PTPRO: variants seen among roughly 807,000 people sequenced by gnomAD.
PTPRO encodes protein tyrosine phosphatase receptor type O.
PTPRO carries 62 observed loss-of-function variants against 145.2 expected under a neutral mutation model. The observed-to-expected ratio is 0.43, with a 90% CI of 0.35 to 0.53. The LOEUF is 0.53. PTPRO is among the 20% of genes least tolerant of loss of function. The probability of loss-of-function intolerance (pLI) is 0.01; values close to 1 mark genes in which losing one functional copy is unlikely to be tolerated. For missense variants in PTPRO, 1,345 were observed against 1,482.7 expected, an observed-to-expected ratio of 0.91 and a Z score of 1.53; for synonymous variants, 565 against 514.7, an observed-to-expected ratio of 1.10 and a Z score of -1.32.
intron 1 of PTPRO, among the ~76,000 whole-genome samples, chr12:15,381,926 C>G (rs1354536306): frequency 1.3e-5 from 2 of 151,928 alleles, no homozygotes; most frequent in Non-Finnish European, 2.9e-5. Context: ...TCCCCCATCT[C>G]TAAAATAGAG....
chr12:15,346,741 T>C (rs1325487525), intron 1 of PTPRO: 2 of 152,180 alleles, frequency 1.3e-5, no homozygotes, highest in Non-Finnish European at 2.9e-5. Context: ...GCTAACTCAG[T>C]TAGTTAAAGG....
intron 1 of PTPRO, among the ~76,000 whole-genome samples, chr12:15,333,885 T>C (rs1013675909): frequency 2.6e-5 from 4 of 152,214 alleles, no homozygotes. Flanking sequence ...TTCCCTTGTG[T>C]AATGAAGCAA....
chr12:15,419,351 T>C (rs1940069998), intron 1 of PTPRO, among the ~76,000 whole-genome samples: 1 of 151,418 alleles, frequency 6.6e-6, no homozygotes, highest in East Asian at 1.9e-4. Context: ...AAGCTGCCCA[T>C]TAGAAATAAC....
intron 1 of PTPRO, among the ~76,000 whole-genome samples, chr12:15,434,980 G>A (rs1940555144): frequency 6.6e-6 from 1 of 152,182 alleles, no homozygotes; most frequent in Non-Finnish European, 1.5e-5. Context: ...CATCTCTGCT[G>A]CAGGGCGTAG....
intron 1 of PTPRO, among the ~76,000 whole-genome samples, chr12:15,422,274 T>C (rs1021042753): frequency 6.6e-6 from 1 of 152,200 alleles, no homozygotes; most frequent in African/African-American, 2.4e-5. Context: ...TTCTTGTTTT[T>C]TGTTTGTTTG....
intron 1 of PTPRO, among the ~76,000 whole-genome samples, chr12:15,414,798 A>G (rs1939900471): frequency 6.6e-6 from 1 of 152,260 alleles, no homozygotes; most frequent in Non-Finnish European, 1.5e-5. Flanking sequence ...AGCACAATGA[A>G]GGAAGAAATG....
At position 15,326,898 on chromosome 12, in the gene PTPRO, T is replaced by C. The variant is rs77897575; in HGVS notation, c.75+4097T>C. Among the ~76,000 whole-genome samples, 541 of 152,374 alleles carry C rather than the reference T, an allele frequency of 3.6e-3. 7 individuals are homozygous for C. The highest frequency in any genetic ancestry group is 0.012 in the African/African-American group (510 of 41,600). ...TACTGTAAAGCACTTAATGTTTTCATTTAATTACTCCAAATATGTTGTAAA... is the reference window on the plus strand; with the variant it reads ...TACTGTAAAGCACTTAATGTTTTCACTTAATTACTCCAAATATGTTGTAAA... On this transcript the variant is annotated intron_variant, in intron 1 of 26. Coordinates refer to ENST00000281171, the MANE Select transcript of PTPRO (RefSeq NM_030667.3).
At chr12:15,378,070 T>G (rs750447487) in intron 1 of PTPRO, among the ~76,000 whole-genome samples, 1 of 151,938 alleles carries the variant, frequency 6.6e-6, no homozygotes, top group Non-Finnish European at 1.5e-5. Flanking sequence ...AGCCTAATCT[T>G]CCACCTTAAG....
At chr12:15,509,686 C>CA (rs370128611) in intron 7 of PTPRO, among the ~76,000 whole-genome samples, 75,397 of 130,066 alleles carry the variant, frequency 0.58, 22,522 homozygotes, top group Non-Finnish European at 0.66. Flanking sequence ...GACTCCGTCT[C>CA]AAAAAAAAAG....
At chr12:15,453,670 A>T (rs1941103821) in intron 1 of PTPRO, among the ~76,000 whole-genome samples, 1 of 152,222 alleles carries the variant, frequency 6.6e-6, no homozygotes, top group African/African-American at 2.4e-5. Flanking sequence ...ATTAAACAGC[A>T]GACCTCAAGA....
At chr12:15,451,880 AC>A (rs1941055138) in intron 1 of PTPRO, among the ~76,000 whole-genome samples, 2 of 152,188 alleles carry the variant, frequency 1.3e-5, no homozygotes, top group African/African-American at 4.8e-5. Context: ...TTGAATGCCT[AC>A]ATCAAAGAGT....
intron 1 of PTPRO, among the ~76,000 whole-genome samples, chr12:15,395,028 G>T (rs1437815656): frequency 2.6e-5 from 4 of 152,112 alleles, no homozygotes; most frequent in African/African-American, 9.7e-5. Flanking sequence ...TCAGAACAGA[G>T]AATGAATGAG....
At chr12:15,528,819 C>T (rs1389145901) in intron 12 of PTPRO, among the ~76,000 whole-genome samples, 4 of 152,080 alleles carry the variant, frequency 2.6e-5, no homozygotes, top group African/African-American at 9.7e-5. Context: ...AGCTGCAATT[C>T]ACCTGGCAAC....
intron 1 of PTPRO, among the ~76,000 whole-genome samples, chr12:15,448,335 C>A (rs1940955351): frequency 3.7e-4 from 2 of 5,444 alleles, no homozygotes; most frequent in Non-Finnish European, 0.015. Context: ...CTTCCTGTTC[C>A]TAGTAAAAAA....
At chr12:15,586,306 T>A (rs1248973022) in intron 23 of PTPRO, among the ~76,000 whole-genome samples, 1 of 152,190 alleles carries the variant, frequency 6.6e-6, no homozygotes, top group African/African-American at 2.4e-5. Context: ...CTGTGCTGGA[T>A]CCCACAGAGA....
At chr12:15,333,413 A>G (rs147374625) in intron 1 of PTPRO, among the ~76,000 whole-genome samples, 341 of 152,350 alleles carry the variant, frequency 2.2e-3, no homozygotes, top group African/African-American at 7.9e-3. Context: ...GACTTTGTCC[A>G]TTGTGTTCAC....
intron 1 of PTPRO, among the ~76,000 whole-genome samples, chr12:15,479,910 C>G (rs1359362308): frequency 1.3e-5 from 2 of 152,154 alleles, no homozygotes; most frequent in Admixed American, 1.3e-4. Context: ...ACCAGGCACC[C>G]ATGAGCCAAG....
chr12:15,509,652 A>T (rs1277525649), intron 7 of PTPRO, among the ~76,000 whole-genome samples: 1 of 111,834 alleles, frequency 8.9e-6, no homozygotes, highest in Non-Finnish European at 2.0e-5. Flanking sequence ...AGCCCACTGT[A>T]CTCCAGCCTG....
At chr12:15,468,461 C>A (rs1840087483) in intron 1 of PTPRO, among the ~76,000 whole-genome samples, 1 of 152,196 alleles carries the variant, frequency 6.6e-6, no homozygotes, top group South Asian at 2.1e-4. Context: ...CTTTCTCCAG[C>A]ACCCAGGCCT....
Sources: allele counts gnomAD v4.1 joint callset (sites outside exome capture counted in the v4.1 genomes callset), GRCh38; gene constraint gnomAD v4.1.1; transcripts MANE v1.5; gene names NCBI Gene and HGNC (gene_info 2026-07-23, HGNC 2026-07-21).